TEAD4: variants seen among roughly 807,000 people sequenced by gnomAD.
The protein encoded by TEAD4 is TEA domain transcription factor 4, also known as transcriptional enhancer factor TEF-3.
TEAD4 carries 36 observed loss-of-function variants against 52.4 expected under a neutral mutation model. The observed-to-expected ratio is 0.69, with a 90% CI of 0.53 to 0.91. TEAD4 has a LOEUF of 0.91. Ranked by LOEUF, TEAD4 falls within the 40% of genes least tolerant of loss-of-function variation. The pLI is 0.00. For synonymous variants in TEAD4, 220 were observed against 231.0 expected (o/e 0.95, Z 0.43); for missense variants, 508 against 583.9 (o/e 0.87, Z 1.34).
intron 2 of TEAD4, among the ~76,000 whole-genome samples, chr12:2,969,099 T>G (rs2098222983): frequency 6.6e-6 from 1 of 152,268 alleles, no homozygotes; most frequent in Non-Finnish European, 1.5e-5. Context: ...TACTTCATTA[T>G]GTAAAACCAC....
Position 3,012,247 on chromosome 12 carries a change from GT to G in TEAD4, c.354+16del. 1.2e-6 allele frequency: 2 copies of G among 1,613,780 alleles called. No homozygotes were observed. On this transcript the variant is annotated intron_variant, in intron 5 of 12. Transcript: ENST00000359864. Reference sequence around the variant, plus strand: ...CCAAGCTAAAGGTAAGGAAACTGCAGTGGGGGTGCTGGAGTGGCCAGGAGTG... The same window carrying G: ...CCAAGCTAAAGGTAAGGAAACTGCAGGGGGGTGCTGGAGTGGCCAGGAGTG...
chr12:2,973,172 A>G (rs2098226687), intron 2 of TEAD4, among the ~76,000 whole-genome samples: 1 of 152,176 alleles, frequency 6.6e-6, no homozygotes, highest in South Asian at 2.1e-4. Flanking sequence ...CCCAGGCTCA[A>G]GTGTCCCTCC....
chr12:3,019,996 C>T (rs1310494402), intron 8 of TEAD4, among the ~76,000 whole-genome samples: 2 of 152,242 alleles, frequency 1.3e-5, no homozygotes, highest in Non-Finnish European at 2.9e-5. Context: ...GCTGTCCCGT[C>T]TCACCTCCTC....
At chr12:3,001,494 A>G (rs2098251659) in intron 3 of TEAD4, among the ~76,000 whole-genome samples, 1 of 152,350 alleles carries the variant, frequency 6.6e-6, no homozygotes, top group South Asian at 2.1e-4. Flanking sequence ...GAATCAAGCC[A>G]GCCGCGGTGG....
chr12:2,966,460 G>T (rs2098220319), intron 2 of TEAD4, among the ~76,000 whole-genome samples: 1 of 151,188 alleles, frequency 6.6e-6, no homozygotes, highest in South Asian at 2.1e-4. Context: ...CACCAGGCTG[G>T]AGTGCAGTGG....
intron 10 of TEAD4, among the ~76,000 whole-genome samples, chr12:3,037,738 CTG>C (rs960637073): frequency 2.0e-5 from 3 of 152,176 alleles, no homozygotes; most frequent in Non-Finnish European, 2.9e-5. Context: ...TGGCCTGAAA[CTG>C]TGTGGGTCCC....
At chr12:2,980,661 AG>A (rs2098233441) in intron 2 of TEAD4, among the ~76,000 whole-genome samples, 2 of 152,066 alleles carry the variant, frequency 1.3e-5, no homozygotes, top group Admixed American at 1.3e-4. Flanking sequence ...TGAACCTAGG[AG>A]GCTGAGATTG....
chr12:3,004,064 T>C (rs188058473), intron 3 of TEAD4, among the ~76,000 whole-genome samples: 1 of 152,348 alleles, frequency 6.6e-6, no homozygotes, highest in Non-Finnish European at 1.5e-5. Context: ...CCTTCTGGTG[T>C]CTACATGATC....
chr12:2,992,521 G>A (rs1412985112), intron 2 of TEAD4, among the ~76,000 whole-genome samples: 2 of 152,160 alleles, frequency 1.3e-5, no homozygotes, highest in Non-Finnish European at 2.9e-5. Flanking sequence ...GGTGGGAGAT[G>A]AGGGGTTTGA....
chr12:2,962,284 A>G (rs942811181), intron 2 of TEAD4, among the ~76,000 whole-genome samples: 1 of 135,040 alleles, frequency 7.4e-6, no homozygotes. Flanking sequence ...ATTTATATAT[A>G]TTTATTTATA....
At chr12:3,024,788 C>A (rs554218688) in intron 10 of TEAD4, among the ~76,000 whole-genome samples, 59 of 152,182 alleles carry the variant, frequency 3.9e-4, no homozygotes, top group African/African-American at 1.4e-3. Context: ...TAAGCCTATT[C>A]TTAAAATTTT....
At chr12:2,964,417 C>G (rs1321375291) in intron 2 of TEAD4, among the ~76,000 whole-genome samples, 1 of 151,812 alleles carries the variant, frequency 6.6e-6, no homozygotes, top group Admixed American at 6.6e-5. Flanking sequence ...CAGGGAGTCC[C>G]CAGGCTGGGG....
intron 3 of TEAD4, among the ~76,000 whole-genome samples, chr12:2,998,769 C>T (rs2098249288): frequency 6.6e-6 from 1 of 152,106 alleles, no homozygotes; most frequent in Non-Finnish European, 1.5e-5. Flanking sequence ...GGCTTTAACC[C>T]AGTTCTCCTG....
chr12:2,969,209 AG>A (rs1486008368), intron 2 of TEAD4, among the ~76,000 whole-genome samples: 1 of 152,248 alleles, frequency 6.6e-6, no homozygotes, highest in East Asian at 1.9e-4. Context: ...AGTTCCAGAA[AG>A]CAAAACTTGA....
At chr12:3,032,710 C>CT (rs2098276478) in intron 10 of TEAD4, among the ~76,000 whole-genome samples, 1 of 152,136 alleles carries the variant, frequency 6.6e-6, no homozygotes, top group Non-Finnish European at 1.5e-5. Flanking sequence ...CCTGAGCCCT[C>CT]TGAGTGCCAG....
At chr12:3,006,097 A>G (rs115409559) in intron 3 of TEAD4, among the ~76,000 whole-genome samples, 6,354 of 152,326 alleles carry the variant, frequency 0.042, 157 homozygotes, top group Middle Eastern at 0.075. Flanking sequence ...ATTTGATTCA[A>G]TCATTGCAGA....
chr12:3,038,595 A>G (rs1190084850), intron 11 of TEAD4, among the ~76,000 whole-genome samples: 1 of 152,048 alleles, frequency 6.6e-6, no homozygotes, highest in East Asian at 1.9e-4. Flanking sequence ...TACCCTGGAG[A>G]CCCTGCTCTA....
chr12:2,983,210 T>C (rs143941299), intron 2 of TEAD4, among the ~76,000 whole-genome samples: 1 of 152,332 alleles, frequency 6.6e-6, no homozygotes, highest in Admixed American at 6.5e-5. Context: ...GGCTTCAGAC[T>C]TTCTACTTGG....
At chr12:2,992,831 C>T (rs768132329) in intron 2 of TEAD4, among the ~76,000 whole-genome samples, 13 of 152,160 alleles carry the variant, frequency 8.5e-5, no homozygotes, top group Non-Finnish European at 1.8e-4. Context: ...CTTAAGATTA[C>T]TGGTATGTCC....
Sources: allele counts gnomAD v4.1 joint callset (sites outside exome capture counted in the v4.1 genomes callset), GRCh38; gene constraint gnomAD v4.1.1; transcripts MANE v1.5; gene names NCBI Gene and HGNC (gene_info 2026-07-23, HGNC 2026-07-21).